ZNF536: variants seen among roughly 807,000 people sequenced by gnomAD.
ZNF536 encodes zinc finger protein 536.
A neutral mutation model predicts 84.5 loss-of-function variants in ZNF536; 13 were observed. The ratio of observed to expected loss-of-function variants is 0.15; its 90% CI spans 0.10 to 0.24. The LOEUF is 0.24. Among genes scored for constraint, ZNF536 ranks in the 10% least tolerant of loss-of-function variants. The pLI, the probability that ZNF536 is intolerant of heterozygous loss-of-function variation, is 1.00. For synonymous variants in ZNF536, 811 were observed against 742.5 expected (o/e 1.09, Z -1.50); for missense variants, 1,536 against 1,747.5 (o/e 0.88, Z 2.16).
intron 2 of ZNF536, among the ~76,000 whole-genome samples, chr19:30,511,304 C>A (rs997836998): frequency 6.6e-6 from 1 of 152,112 alleles, no homozygotes; most frequent in African/African-American, 2.4e-5. Flanking sequence ...ATGTCACAGA[C>A]CCCCAATATA....
intron 1 of ZNF536, among the ~76,000 whole-genome samples, chr19:30,588,599 A>G (rs1436784407): frequency 2.0e-5 from 3 of 152,156 alleles, no homozygotes; most frequent in East Asian, 1.9e-4. Context: ...CCAAACCAAG[A>G]AGAAAGTATC....
intron 1 of ZNF536, among the ~76,000 whole-genome samples, chr19:30,680,868 A>G (rs984894012): frequency 6.6e-6 from 1 of 152,168 alleles, no homozygotes; most frequent in African/African-American, 2.4e-5. Flanking sequence ...CAGTCCCACC[A>G]ACAGTGTAAA....
intron 1 of ZNF536, among the ~76,000 whole-genome samples, chr19:30,690,570 A>G (rs1019937838): frequency 1.6e-4 from 24 of 152,270 alleles, no homozygotes; most frequent in African/African-American, 5.3e-4. Context: ...CACTGGATTC[A>G]CTGGCACTAA....
intron 3 of ZNF536, among the ~76,000 whole-genome samples, chr19:30,540,544 A>G (rs1187314477): frequency 6.6e-6 from 1 of 152,146 alleles, no homozygotes; most frequent in African/African-American, 2.4e-5. Context: ...ACAGCACCTC[A>G]GTCACCAAGG....
chr19:30,447,606 A>G (rs1029052189), intron 2 of ZNF536, among the ~76,000 whole-genome samples: 1 of 152,212 alleles, frequency 6.6e-6, no homozygotes, highest in African/African-American at 2.4e-5. Flanking sequence ...CACATGGAAC[A>G]TACTAAGATT....
chr19:30,599,001 C>T (rs528677723), intron 1 of ZNF536, among the ~76,000 whole-genome samples: 108 of 96,914 alleles, frequency 1.1e-3, no homozygotes, highest in Non-Finnish European at 1.8e-3. Context: ...TCCTCCCTTC[C>T]TCCTTCCCTC....
intron 1 of ZNF536, among the ~76,000 whole-genome samples, chr19:30,396,971 C>T (rs1395180761): frequency 1.3e-5 from 2 of 152,186 alleles, no homozygotes; most frequent in Non-Finnish European, 2.9e-5. Flanking sequence ...TTCCTGCAAA[C>T]CTCTTCTTAC....
At chr19:30,708,450 G>T (rs1477797633) in intron 1 of ZNF536, among the ~76,000 whole-genome samples, 2 of 152,234 alleles carry the variant, frequency 1.3e-5, no homozygotes, top group African/African-American at 4.8e-5. Context: ...TTCCTTTGGA[G>T]GCCAGTGGCC....
At chr19:30,343,097 T>G (rs1482255459) in intron 2 of ZNF536, among the ~76,000 whole-genome samples, 1 of 152,156 alleles carries the variant, frequency 6.6e-6, no homozygotes, top group Non-Finnish European at 1.5e-5. Flanking sequence ...GGGGACAGCC[T>G]TGGGCCCCTG....
intron 1 of ZNF536, among the ~76,000 whole-genome samples, chr19:30,404,734 C>CG (rs1179512007): frequency 2.0e-5 from 3 of 151,414 alleles, no homozygotes; most frequent in South Asian, 4.2e-4. Context: ...TGTCCGGAGG[C>CG]GGGGGGGCTC....
chr19:30,238,994 CAA>C (rs1345656062), intron 1 of ZNF536, among the ~76,000 whole-genome samples: 3 of 152,074 alleles, frequency 2.0e-5, no homozygotes, highest in East Asian at 1.9e-4. Flanking sequence ...AAGAGTCACC[CAA>C]GAGAGAGGTG....
chr19:30,678,101 T>C (rs956306150), intron 1 of ZNF536, among the ~76,000 whole-genome samples: 5 of 152,166 alleles, frequency 3.3e-5, no homozygotes, highest in Non-Finnish European at 7.3e-5. Context: ...GAAATTAGAC[T>C]GCAAAGGGTC....
At chr19:30,477,636 G>A (rs1300879954) in intron 2 of ZNF536, among the ~76,000 whole-genome samples, 1 of 152,142 alleles carries the variant, frequency 6.6e-6, no homozygotes, top group Non-Finnish European at 1.5e-5. Context: ...TTGGGTCAGG[G>A]GGTTCTCACT....
intron 1 of ZNF536, among the ~76,000 whole-genome samples, chr19:30,400,484 A>G (rs1423079693): frequency 6.6e-6 from 1 of 152,098 alleles, no homozygotes; most frequent in Admixed American, 6.6e-5. Flanking sequence ...TGCTATTCAT[A>G]TCTCTTTTTT....
intron 2 of ZNF536, among the ~76,000 whole-genome samples, chr19:30,481,985 A>C (rs183146721): frequency 5.9e-5 from 9 of 152,324 alleles, no homozygotes; most frequent in Admixed American, 1.3e-4. Flanking sequence ...AAGTTGTTGC[A>C]AAAGACATTT....
chr19:30,652,718 C>T (rs2049754975), intron 1 of ZNF536, among the ~76,000 whole-genome samples: 2 of 152,148 alleles, frequency 1.3e-5, no homozygotes, highest in African/African-American at 4.8e-5. Flanking sequence ...CTTCTAGTTT[C>T]GTAGAAGGCT....
intron 1 of ZNF536, among the ~76,000 whole-genome samples, chr19:30,402,333 A>G (rs1424019523): frequency 6.6e-6 from 1 of 152,168 alleles, no homozygotes; most frequent in Non-Finnish European, 1.5e-5. Context: ...GGAGGGGAAA[A>G]AAAAAGAGAA....
In ZNF536 at chr19:30,347,467, C is replaced by A. The variant is rs151310644; in HGVS notation, c.-119-4901C>A. Among the ~76,000 whole-genome samples the A allele has an allele frequency of 6.5e-3, 983 of 152,294 alleles. 2 individuals carry two copies. The highest frequency in any genetic ancestry group is 0.034 in the Middle Eastern group (10 of 294). The stretch of plus-strand genomic sequence containing the variant: ...AGACAGAACTGCTCATCGTATCCAC[C>A]CATGATGGCTGGAAGTTGAGTATTT... On this transcript the variant is annotated intron_variant, in intron 2 of 5. Transcript: ENST00000585628.
chr19:30,591,855 G>A (rs547731350), intron 1 of ZNF536, among the ~76,000 whole-genome samples: 1 of 152,252 alleles, frequency 6.6e-6, no homozygotes, highest in East Asian at 1.9e-4. Flanking sequence ...AGGTGGCCTT[G>A]GAAAACTTTC....
Sources: gnomAD v4.1 joint callset for allele counts (sites outside exome capture counted in the v4.1 genomes callset) on GRCh38, gnomAD v4.1.1 for gene constraint, MANE v1.5 for transcripts, NCBI Gene and HGNC (gene_info 2026-07-23, HGNC 2026-07-21) for gene names.